Variants in BLVRA observed in about 807,000 individuals in gnomAD.
The protein encoded by BLVRA is biliverdin reductase A.
In BLVRA, 22 loss-of-function variants were observed where a neutral mutation model predicts 32.8. The observed-to-expected ratio is 0.67, with a 90% CI of 0.48 to 0.96. The LOEUF (loss-of-function observed/expected upper bound fraction) is 0.96, where lower values mean the gene tolerates loss of function less well. Among genes scored for constraint, BLVRA ranks in the 40% least tolerant of loss-of-function variants. BLVRA has a pLI of 0.00. For missense variants in BLVRA, 323 were observed against 358.1 expected (o/e 0.90, Z 0.79); for synonymous variants, 119 against 141.3 (o/e 0.84, Z 1.12).
chr7:43,793,320 T>A (rs542920273), intron 5 of BLVRA, among the ~76,000 whole-genome samples: 18 of 152,324 alleles, frequency 1.2e-4, no homozygotes, highest in Admixed American at 3.3e-4. Context: ...GAGGTATATA[T>A]TTTCTCTAGA....
At chr7:43,803,309 TTGTG>T (rs34404101) in intron 6 of BLVRA, among the ~76,000 whole-genome samples, 2 of 149,148 alleles carry the variant, frequency 1.3e-5, no homozygotes, top group African/African-American at 2.5e-5. Context: ...TAGGTATGTG[TTGTG>T]TGTGTGTGTG....
intron 2 of BLVRA, among the ~76,000 whole-genome samples, chr7:43,777,902 G>A (rs1336837821): frequency 6.6e-6 from 1 of 151,816 alleles, no homozygotes; most frequent in East Asian, 1.9e-4. Flanking sequence ...TTCATCTTCC[G>A]TCACTGATAC....
At chr7:43,806,593 T>A (rs1468076075) in intron 7 of BLVRA, among the ~76,000 whole-genome samples, 1 of 150,646 alleles carries the variant, frequency 6.6e-6, no homozygotes, top group Non-Finnish European at 1.5e-5. Flanking sequence ...AATATTTTTT[T>A]AAAAAGTAGC....
At chr7:43,804,954 A>T (rs1021634184) in intron 7 of BLVRA, among the ~76,000 whole-genome samples, 31 of 152,206 alleles carry the variant, frequency 2.0e-4, no homozygotes, top group African/African-American at 7.5e-4. Context: ...TTCGCTAGGA[A>T]AAGGCAGAGA....
chr7:43,765,353 G>A, intron 1 of BLVRA, among the ~76,000 whole-genome samples: 1 of 152,090 alleles, frequency 6.6e-6, no homozygotes, highest in East Asian at 1.9e-4. Context: ...CTGGGTTCAA[G>A]CAATTCTCAT....
At chr7:43,795,486 G>C (rs1180153031) in intron 5 of BLVRA, among the ~76,000 whole-genome samples, 2 of 152,154 alleles carry the variant, frequency 1.3e-5, no homozygotes, top group South Asian at 4.1e-4. Flanking sequence ...CTGCACTCCA[G>C]CCTGGGCGAT....
intron 5 of BLVRA, among the ~76,000 whole-genome samples, chr7:43,793,614 A>G (rs899083655): frequency 6.7e-6 from 1 of 148,818 alleles, no homozygotes; most frequent in Non-Finnish European, 1.5e-5. Flanking sequence ...AAAATCTTTT[A>G]CAACTTTTTT....
At position 43,807,217 on chromosome 7, in the gene BLVRA, T is replaced by C. The variant is rs1585749307; in HGVS notation, c.873T>C (p.Tyr291=). The change falls in exon 8 of 8, where the codon TAT becomes TAC. Residue 291 remains tyrosine (Y), a synonymous_variant. Coordinates refer to ENST00000265523, the MANE Select transcript of BLVRA (RefSeq NM_000712.4). The stretch of plus-strand genomic sequence containing the variant: ...GGCTTGCAGAAGAAATCCAGAAATA[T>C]TGCTGTTCAAGGAAGTAAGAGGAGG... ...CLGLAEEIQK[Y]CCSRK The C allele has an allele frequency of 6.8e-6, 11 of 1,607,298 alleles. No homozygotes were observed. Among genetic ancestry groups the C allele is most frequent in the Non-Finnish European group, 7.6e-6 (9 of 1,179,984 alleles).
chr7:43,783,626 A>G (rs1291746435), intron 2 of BLVRA, among the ~76,000 whole-genome samples: 1 of 152,132 alleles, frequency 6.6e-6, no homozygotes, highest in Non-Finnish European at 1.5e-5. Flanking sequence ...AAGTCACTTG[A>G]CTTGTGTAGC....
chr7:43,771,821 G>T (rs1418098660), intron 2 of BLVRA, among the ~76,000 whole-genome samples: 2 of 152,114 alleles, frequency 1.3e-5, no homozygotes, highest in Admixed American at 1.3e-4. Flanking sequence ...AGCACCACCC[G>T]CCAGGCCCCC....
chr7:43,778,868 C>T (rs1309551493), intron 2 of BLVRA, among the ~76,000 whole-genome samples: 2 of 152,260 alleles, frequency 1.3e-5, no homozygotes, highest in Non-Finnish European at 2.9e-5. Context: ...GCAGGCGCCC[C>T]TCCCCCAGCC....
intron 2 of BLVRA, among the ~76,000 whole-genome samples, chr7:43,784,613 T>C (rs890130111): frequency 3.4e-5 from 5 of 146,482 alleles, no homozygotes; most frequent in Admixed American, 3.4e-4. Context: ...TTTTTTTTTT[T>C]TTTTTTTTGA....
At chr7:43,802,557 G>A (rs938648229) in intron 6 of BLVRA, among the ~76,000 whole-genome samples, 6 of 152,056 alleles carry the variant, frequency 3.9e-5, no homozygotes, top group Admixed American at 6.6e-5. Context: ...GAATGCAGTG[G>A]TACAATTATG....
At chr7:43,765,094 T>C (rs1399565433) in intron 1 of BLVRA, among the ~76,000 whole-genome samples, 1 of 152,184 alleles carries the variant, frequency 6.6e-6, no homozygotes, top group Non-Finnish European at 1.5e-5. Flanking sequence ...CTGCAGTAGA[T>C]ACGGGGGGAG....
At chr7:43,773,131 T>C (rs911460683) in intron 2 of BLVRA, among the ~76,000 whole-genome samples, 18 of 152,154 alleles carry the variant, frequency 1.2e-4, no homozygotes, top group African/African-American at 4.3e-4. Flanking sequence ...CTTTTTTTAA[T>C]TTAATTTTAT....
At chr7:43,774,456 C>G (rs906457095) in intron 2 of BLVRA, among the ~76,000 whole-genome samples, 2 of 152,040 alleles carry the variant, frequency 1.3e-5, no homozygotes, top group African/African-American at 4.8e-5. Flanking sequence ...TGTAGATATG[C>G]GGCATTATTT....
At chr7:43,795,398 C>G (rs563159631) in intron 5 of BLVRA, among the ~76,000 whole-genome samples, 2 of 152,084 alleles carry the variant, frequency 1.3e-5, no homozygotes, top group South Asian at 4.2e-4. Flanking sequence ...CACATATAGT[C>G]CCAGCTACTG....
At chr7:43,768,433 G>T (rs955200460) in intron 1 of BLVRA, among the ~76,000 whole-genome samples, 2 of 152,190 alleles carry the variant, frequency 1.3e-5, no homozygotes, top group Admixed American at 1.3e-4. Context: ...GAACCAGAAA[G>T]TCTGGAAATT....
At chr7:43,793,316 T>A (rs1454699222) in intron 5 of BLVRA, among the ~76,000 whole-genome samples, 4 of 152,242 alleles carry the variant, frequency 2.6e-5, no homozygotes, top group African/African-American at 9.6e-5. Context: ...CTTGGAGGTA[T>A]ATATTTTCTC....
Sources: allele counts gnomAD v4.1 joint callset (sites outside exome capture counted in the v4.1 genomes callset), GRCh38; gene constraint gnomAD v4.1.1; transcripts MANE v1.5; gene names NCBI Gene and HGNC (gene_info 2026-07-23, HGNC 2026-07-21).